Variants in MRPS6 observed in about 807,000 individuals in gnomAD.
MRPS6 encodes the protein mitochondrial ribosomal protein S6.
MRPS6 carries 6 observed loss-of-function variants against 13.1 expected under a neutral mutation model. That is an observed-to-expected ratio of 0.46 (90% CI 0.25 to 0.91). The LOEUF (loss-of-function observed/expected upper bound fraction) is 0.91. MRPS6 is among the 40% of genes least tolerant of loss of function. The probability of loss-of-function intolerance (pLI) is 0.18; values close to 1 mark genes in which losing one functional copy is unlikely to be tolerated. For synonymous variants in MRPS6, 61 were observed against 56.5 expected (o/e 1.08, Z -0.36); for missense variants, 164 against 155.6 (o/e 1.05, Z -0.29).
intron 1 of MRPS6, among the ~76,000 whole-genome samples, chr21:34,106,643 AT>A (rs1208987180): frequency 6.6e-6 from 1 of 152,138 alleles, no homozygotes; most frequent in Non-Finnish European, 1.5e-5. Flanking sequence ...AAGCATAAAT[AT>A]TTTTTCTGAA....
chr21:34,118,135 C>G (rs957511567), intron 1 of MRPS6, among the ~76,000 whole-genome samples: 28 of 152,100 alleles, frequency 1.8e-4, no homozygotes, highest in Admixed American at 5.9e-4. Flanking sequence ...CTGCATTACA[C>G]TATTATTTTC....
At chr21:34,074,598 A>G (rs186840684) in intron 1 of MRPS6, among the ~76,000 whole-genome samples, 1 of 152,164 alleles carries the variant, frequency 6.6e-6, no homozygotes, top group Admixed American at 6.5e-5. Context: ...GTCCTGGGTC[A>G]TGTACTCCTC....
chr21:34,103,216 G>C, intron 1 of MRPS6: 1 of 999,260 alleles, frequency 1.0e-6, no homozygotes, highest in Non-Finnish European at 1.2e-6. Context: ...GTGCCTTCTG[G>C]TTACCAGTAT....
At chr21:34,102,039 G>A in intron 1 of MRPS6, 1 of 1,000,106 alleles carries the variant, frequency 1.0e-6, no homozygotes, top group Non-Finnish European at 1.2e-6. Context: ...GAACGTATGA[G>A]GCTGGATTGT....
chr21:34,096,164 A>G lies in MRPS6; in HGVS notation c.45+22419A>G. On this transcript the variant is annotated intron_variant, in intron 1 of 2. Transcript: ENST00000399312. The surrounding 1 kb of genome is among the most constrained non-coding windows in gnomAD (Gnocchi z 5.9). ...TTGTCCCAGGAATGATTTCCAGGAT[A>G]CTGTTTACTGATGATATAGCTTGCA... 1.2e-6 allele frequency: 2 copies of G among 1,614,102 alleles called. No homozygotes were observed. Among genetic ancestry groups the G allele is most frequent in the South Asian group, 1.1e-5 (1 of 91,078 alleles).
intron 1 of MRPS6, among the ~76,000 whole-genome samples, chr21:34,074,390 C>T (rs766871770): frequency 2.0e-5 from 3 of 152,262 alleles, no homozygotes; most frequent in African/African-American, 4.8e-5. Flanking sequence ...TCCGGGTGCC[C>T]TTAGCCCAGT....
intron 1 of MRPS6, among the ~76,000 whole-genome samples, chr21:34,076,499 C>A (rs556571152): frequency 6.6e-6 from 1 of 152,126 alleles, no homozygotes; most frequent in Non-Finnish European, 1.5e-5. Context: ...CTATGTTTTT[C>A]TCAGTTTGCA....
At chr21:34,099,558 C>T (rs917171109) in intron 1 of MRPS6, 2 of 999,556 alleles carry the variant, frequency 2.0e-6, no homozygotes, top group African/African-American at 3.5e-5. Context: ...GGCTGGGCAG[C>T]CTATCTCTTC....
At chr21:34,125,588 C>G in intron 2 of MRPS6, 108 bp downstream of exon 2, 2 of 1,484,208 alleles carry the variant, frequency 1.3e-6, no homozygotes, top group Non-Finnish European at 1.8e-6. Flanking sequence ...ACCCCTGTTG[C>G]GCCTAGGTGT....
chr21:34,130,343 A>G (rs1473442179), intron 2 of MRPS6, among the ~76,000 whole-genome samples: 5 of 152,222 alleles, frequency 3.3e-5, no homozygotes, highest in Non-Finnish European at 7.3e-5. Flanking sequence ...CCCCTGGACA[A>G]CTAGGGGAGT....
intron 1 of MRPS6, chr21:34,097,213 G>A: frequency 1.9e-6 from 3 of 1,614,066 alleles, no homozygotes; most frequent in Non-Finnish European, 1.7e-6. Context: ...CTCAGCAAGA[G>A]GAGTCTCAGA....
In MRPS6 at chr21:34,096,377, T is replaced by C. The variant is rs1978964942; in HGVS notation, c.45+22632T>C. 1.9e-6 allele frequency: 3 copies of C among 1,614,184 alleles called. No homozygotes were observed. Among genetic ancestry groups the C allele is most frequent in the African/African-American group, 1.3e-5 (1 of 75,054 alleles). On this transcript the variant is annotated intron_variant, in intron 1 of 2. Transcript: ENST00000399312. This position sits in a 1 kb window ranked among gnomAD's most constrained non-coding sequence, Gnocchi z 5.9. ...GTGCCAGTACCATATTCACCCTCGA[T>C]GTGTACAAACTTATCCGCAAGAGCG...
intron 1 of MRPS6, chr21:34,098,752 C>T (rs1198301109): frequency 4.3e-5 from 43 of 1,000,068 alleles, no homozygotes. Context: ...CCACTTGCAG[C>T]TAGTGGGTAC....
intron 1 of MRPS6, among the ~76,000 whole-genome samples, chr21:34,091,245 C>T (rs899210147): frequency 1.2e-4 from 9 of 73,672 alleles, no homozygotes; most frequent in Admixed American, 1.2e-3. Context: ...AAGATTATTG[C>T]GTACTACTCT....
chr21:34,083,326 G>T (rs771811289), intron 1 of MRPS6, among the ~76,000 whole-genome samples: 13 of 152,328 alleles, frequency 8.5e-5, no homozygotes, highest in Admixed American at 2.6e-4. Context: ...CAGAATCAGT[G>T]TAAGTTCCAG....
intron 1 of MRPS6, among the ~76,000 whole-genome samples, chr21:34,112,462 C>T (rs1047450322): frequency 6.6e-6 from 1 of 152,186 alleles, no homozygotes; most frequent in Non-Finnish European, 1.5e-5. Context: ...ATGTATCTTA[C>T]AATTCACCCA....
chr21:34,090,618 A>G (rs1978636856), intron 1 of MRPS6, among the ~76,000 whole-genome samples: 3 of 152,230 alleles, frequency 2.0e-5, no homozygotes, highest in Admixed American at 1.3e-4. Context: ...AAAGGAACTA[A>G]TATCACTTCT....
intron 1 of MRPS6, chr21:34,099,483 A>G: frequency 1.0e-6 from 1 of 999,996 alleles, no homozygotes; most frequent in Non-Finnish European, 1.2e-6. Flanking sequence ...ATTAACATTA[A>G]GTTGTAAGAA....
intron 1 of MRPS6, chr21:34,106,038 T>G (rs1979462707): frequency 1.0e-6 from 1 of 997,376 alleles, no homozygotes; most frequent in South Asian, 4.7e-5. Flanking sequence ...GAGCTGTCAG[T>G]TTTCATTACT....
Sources: gnomAD v4.1 joint callset for allele counts (sites outside exome capture counted in the v4.1 genomes callset) on GRCh38, gnomAD v4.1.1 for gene constraint, Gnocchi (gnomAD v3.1) non-coding constraint, MANE v1.5 for transcripts, NCBI Gene and HGNC (gene_info 2026-07-23, HGNC 2026-07-21) for gene names.